Variants in XPO5 observed in about 807,000 individuals in gnomAD.
XPO5 encodes exportin-5.
Under a neutral mutation model 160.6 loss-of-function variants are expected in XPO5, and 46 were observed. That is an observed-to-expected ratio of 0.29 (90% confidence interval 0.23 to 0.37). The LOEUF (loss-of-function observed/expected upper bound fraction) is 0.37. Among genes scored for constraint, XPO5 ranks in the 10% least tolerant of loss-of-function variants. XPO5 has a pLI of 1.00. For synonymous variants in XPO5, 537 were observed against 519.3 expected (o/e 1.03, Z -0.46); for missense variants, 1,090 against 1,463.9 (o/e 0.74, Z 4.17).
At chr6:43,566,192 A>G (rs1377911809) in intron 7 of XPO5, among the ~76,000 whole-genome samples, 3 of 152,200 alleles carry the variant, frequency 2.0e-5, no homozygotes, top group African/African-American at 7.2e-5. Context: ...CAAAAGTTCG[A>G]GACCAGCCTG....
At chr6:43,557,106 C>T (rs9472075) in intron 12 of XPO5, among the ~76,000 whole-genome samples, 5,722 of 132,336 alleles carry the variant, frequency 0.043, 156 homozygotes, top group Non-Finnish European at 0.062. Flanking sequence ...CCAGCCTGGG[C>T]GACAGAGCAA....
At position 43,535,217 on chromosome 6, in the gene XPO5, G is replaced by A. The variant is rs184550359; in HGVS notation, c.2343-1210C>T. Among the ~76,000 whole-genome samples, 1,081 of 139,230 alleles carry A rather than the reference G, an allele frequency of 7.8e-3. 2 individuals carry two copies. Among genetic ancestry groups the A allele is most frequent in the Non-Finnish European group, 0.013 (814 of 63,780 alleles). The allele number at this position is 139,230 out of a possible 152,430, so 91.3% of individuals were successfully genotyped here. On this transcript the variant is annotated intron_variant, in intron 20 of 31. Transcript: ENST00000265351. ...TGAGCTTGCAGTGAGCCAAGACTGC[G>A]CCACTGCACTCCAGCCTGGGCAACA...
chr6:43,553,981 T>A (rs1761875751), intron 13 of XPO5, among the ~76,000 whole-genome samples: 1 of 152,188 alleles, frequency 6.6e-6, no homozygotes, highest in Admixed American at 6.5e-5. Context: ...CTGCTTCACA[T>A]CCAATAGCCT....
chr6:43,569,030 C>T (rs532547402), intron 5 of XPO5, among the ~76,000 whole-genome samples: 3 of 152,290 alleles, frequency 2.0e-5, no homozygotes, highest in South Asian at 2.1e-4. Flanking sequence ...TGGTGGCTCA[C>T]GCCTGTAATC....
In XPO5 at chr6:43,530,777, T is replaced by C; in HGVS notation, c.2588A>G (p.Tyr863Cys). The C allele has an allele frequency of 1.2e-6, 2 of 1,613,880 alleles. No homozygotes were observed. The highest frequency in any genetic ancestry group is 8.5e-7 in the Non-Finnish European group (1 of 1,179,852). The change falls in exon 23 of 32, where the codon TAT (tyrosine) becomes TGT (cysteine). Residue 863 changes from tyrosine (Y) to cysteine (C), a missense_variant. By Grantham distance (194) the Tyr-to-Cys change is radical. Transcript: ENST00000265351. ...KAGPSMQQDFYTVEDLATQLL... is the reference protein window; with the variant it reads ...KAGPSMQQDFCTVEDLATQLL... ...CTGGGTAGCAAGGTCCTCCACAGTA[T>C]AGAAGTCTTGCTGCATGGAAGGGCC...
intron 8 of XPO5, among the ~76,000 whole-genome samples, chr6:43,563,635 A>G (rs1348516653): frequency 6.6e-6 from 1 of 152,230 alleles, no homozygotes; most frequent in Non-Finnish European, 1.5e-5. Flanking sequence ...AGCATAGCCT[A>G]TTGCTCCTAG....
intron 10 of XPO5, 90 bp from the exon 11 acceptor site, chr6:43,560,393 T>C (rs1762356328): frequency 2.8e-6 from 4 of 1,428,790 alleles, no homozygotes; most frequent in African/African-American, 1.4e-5. Context: ...CATTTTTTCA[T>C]AGAAATAAAT....
chr6:43,565,555 A>C, intron 8 of XPO5, 105 bp downstream of exon 8: 1 of 1,034,198 alleles, frequency 9.7e-7, no homozygotes, highest in South Asian at 1.7e-5. Context: ...ACAGAGCGAG[A>C]TCCATCTCAA....
chr6:43,573,641 G>A, intron 1 of XPO5, 40 bp from the exon 2 acceptor site: 3 of 1,588,786 alleles, frequency 1.9e-6, no homozygotes, highest in Non-Finnish European at 2.6e-6. Flanking sequence ...CGAGGGCTGA[G>A]AGAATAGGGA....
chr6:43,541,971 G>A (rs971937291), intron 20 of XPO5, among the ~76,000 whole-genome samples: 3 of 151,940 alleles, frequency 2.0e-5, no homozygotes, highest in African/African-American at 7.3e-5. Context: ...GTAGAGATGG[G>A]GTTTCACCAT....
intron 1 of XPO5, 46 bp downstream of exon 1, chr6:43,575,714 G>A: frequency 6.5e-7 from 1 of 1,548,102 alleles, no homozygotes; most frequent in East Asian, 2.4e-5. Context: ...TGCTGGGGCT[G>A]GGAGAGGGTG....
At chr6:43,572,819 T>G (rs1259888474) in intron 2 of XPO5, among the ~76,000 whole-genome samples, 1 of 152,192 alleles carries the variant, frequency 6.6e-6, no homozygotes, top group East Asian at 1.9e-4. Flanking sequence ...CCGCACAAGA[T>G]TTGTACCACA....
At chr6:43,558,250 G>A (rs1409172538) in intron 12 of XPO5, among the ~76,000 whole-genome samples, 4 of 152,088 alleles carry the variant, frequency 2.6e-5, no homozygotes, top group Non-Finnish European at 4.4e-5. Context: ...AGTCAAGAGC[G>A]TCTTAAGTAT....
chr6:43,545,099 C>T (rs1419744733), intron 20 of XPO5, among the ~76,000 whole-genome samples: 1 of 151,964 alleles, frequency 6.6e-6, no homozygotes, highest in Non-Finnish European at 1.5e-5. Context: ...TCTGAAACTC[C>T]TGACCTCAAG....
At chr6:43,538,010 G>A (rs1052585602) in intron 20 of XPO5, among the ~76,000 whole-genome samples, 7 of 149,742 alleles carry the variant, frequency 4.7e-5, no homozygotes, top group African/African-American at 1.5e-4. Flanking sequence ...GCTTGATCCC[G>A]GGAGGCGGAG....
At chr6:43,553,910 T>C (rs1446456084) in intron 13 of XPO5, among the ~76,000 whole-genome samples, 1 of 152,158 alleles carries the variant, frequency 6.6e-6, no homozygotes, top group African/African-American at 2.4e-5. Context: ...AGAATCTAAA[T>C]AATTAAAATT....
chr6:43,527,747 G>C lies in XPO5; in HGVS notation c.2823-16C>G. ...ATCTTCTCCACTGCAGAAAACCAGG[G>C]GGCCAAGTTCCACAGGAGTGCAGAA... On this transcript the variant is annotated splice_polypyrimidine_tract_variant and intron_variant, in intron 25 of 31. Coordinates refer to ENST00000265351, the MANE Select transcript of XPO5 (RefSeq NM_020750.3). The C allele has an allele frequency of 6.2e-7, 1 of 1,613,736 alleles. No homozygotes were observed. The highest frequency in any genetic ancestry group is 8.5e-7 in the Non-Finnish European group (1 of 1,179,746).
At chr6:43,538,872 T>C (rs1582211305) in intron 20 of XPO5, 4 of 1,287,900 alleles carry the variant, frequency 3.1e-6, no homozygotes, top group Non-Finnish European at 4.4e-6. Context: ...GAGACTCTGG[T>C]GTGGGTCTTG....
rs1308119151 is a variant in XPO5 at position 43,555,665 on chromosome 6, GCTTT to G, written c.1441+167_1441+170del. 35 of 668,512 alleles carry G rather than the reference GCTTT, an allele frequency of 5.2e-5. 1 individual carries two copies. The highest frequency in any genetic ancestry group is 3.1e-4 in the South Asian group (8 of 25,766). 41.4% of individuals were successfully genotyped at this position (668,512 alleles called of 1,614,324 possible). On this transcript the variant is annotated intron_variant, in intron 13 of 31. Transcript: ENST00000265351. ...AAAACAAATTTAAAATGTGTCATCT[GCTTT>G]CTTTGTGTCAGCCAATGAAAACGCT...
Sources: gnomAD v4.1 joint callset for allele counts (sites outside exome capture counted in the v4.1 genomes callset) on GRCh38, gnomAD v4.1.1 for gene constraint, MANE v1.5 for transcripts, NCBI Gene and HGNC (gene_info 2026-07-23, HGNC 2026-07-21) for gene names.